TMEM221: variants seen among roughly 807,000 people sequenced by gnomAD.
TMEM221 encodes the protein transmembrane protein 221.
In TMEM221, 11 loss-of-function variants were observed where a neutral mutation model predicts 10.2. The observed-to-expected ratio is 1.08, with a 90% CI of 0.68 to 1.79. TMEM221 has a LOEUF of 1.79. Ranked by LOEUF, TMEM221 falls within the 40% of genes most tolerant of loss-of-function variation. TMEM221 has a pLI of 0.00. For synonymous variants in TMEM221, 172 were observed against 199.8 expected, an observed-to-expected ratio of 0.86 and a Z score of 1.18; for missense variants, 382 against 417.7, an observed-to-expected ratio of 0.91 and a Z score of 0.75.
chr19:17,439,644 C>T (rs1268092504), intron 2 of TMEM221, among the ~76,000 whole-genome samples: 2 of 151,314 alleles, frequency 1.3e-5, no homozygotes, highest in African/African-American at 2.4e-5. Flanking sequence ...GCCGAGATCG[C>T]GCCGCTACCC....
chr19:17,443,482 G>C (rs1237780439), intron 2 of TMEM221, among the ~76,000 whole-genome samples: 1 of 151,478 alleles, frequency 6.6e-6, no homozygotes, highest in African/African-American at 2.4e-5. Flanking sequence ...GCTGCCACCA[G>C]GCCCAGCTAA....
chr19:17,441,592 T>A (rs1016825849), intron 2 of TMEM221, among the ~76,000 whole-genome samples: 1 of 152,170 alleles, frequency 6.6e-6, no homozygotes, highest in Non-Finnish European at 1.5e-5. Context: ...TGGAGGAATA[T>A]TACATGGCCC....
chr19:17,438,599 T>TG (rs1041278739), intron 2 of TMEM221, among the ~76,000 whole-genome samples: 6 of 150,316 alleles, frequency 4.0e-5, no homozygotes, highest in African/African-American at 1.5e-4. Context: ...CTCTATCTTT[T>TG]TTTTTTTTTT....
chr19:17,437,982 G>A (rs995739619), intron 2 of TMEM221, among the ~76,000 whole-genome samples: 11 of 151,066 alleles, frequency 7.3e-5, no homozygotes, highest in African/African-American at 2.2e-4. Flanking sequence ...GCAGTGGCTC[G>A]GCTACAGCTC....
rs189364946 is a variant in TMEM221 at position 17,436,719 on chromosome 19, G to C, written c.615C>G (p.Ser205Arg). The part of the protein sequence containing the change: ...LARPAEVSKA[S>R]PRAQPQQGIH... ...TACCCTGCTGAGGCTGAGCTCTGGG[G>C]CTGGCCTTGGAGACTTCGGCAGGGC... The change falls in exon 3 of 3, where the codon AGC (serine) becomes AGG (arginine). Residue 205 changes from serine (S) to arginine (R), a missense_variant. Transcript: ENST00000341130. 4.6e-6 allele frequency: 7 copies of C among 1,531,990 alleles called. No individual in the cohort carries two copies. The African/African-American group carries it at 8.2e-5, about 18-fold the overall frequency. 94.9% of individuals were successfully genotyped at this position (1,531,990 alleles called of 1,614,324 possible).
chr19:17,444,021 A>G (rs1181892530), intron 2 of TMEM221, among the ~76,000 whole-genome samples: 11 of 138,418 alleles, frequency 7.9e-5, no homozygotes, highest in Admixed American at 3.6e-4. Flanking sequence ...CTGGAGATTG[A>G]TATTTGTAAC....
intron 2 of TMEM221, among the ~76,000 whole-genome samples, chr19:17,439,696 A>G (rs1354038095): frequency 1.4e-5 from 2 of 139,586 alleles, no homozygotes; most frequent in East Asian, 2.0e-4. Flanking sequence ...TCGAGAAAAA[A>G]GAAAAAAAAA....
At chr19:17,443,200 G>A (rs2074938670) in intron 2 of TMEM221, among the ~76,000 whole-genome samples, 1 of 152,126 alleles carries the variant, frequency 6.6e-6, no homozygotes, top group South Asian at 2.1e-4. Flanking sequence ...AGAGTGGCAT[G>A]AACCCAGGAG....
In TMEM221 at chr19:17,448,048, T is replaced by G. The variant is rs1568399683; in HGVS notation, c.320+95A>C. The stretch of plus-strand genomic sequence containing the variant: ...GAGAGGGAAGTGGGGAGGGAAGCTG[T>G]CCCCCCAGCCTGAGGCCAAAAGAGG... On this transcript the variant is annotated intron_variant, in intron 1 of 2. Transcript: ENST00000341130. This position sits in a 1 kb window ranked among gnomAD's most constrained non-coding sequence, Gnocchi z 4.7. 23 of 1,061,606 alleles carry G rather than the reference T, an allele frequency of 2.2e-5. No homozygotes were observed. The South Asian group carries it at 8.0e-4, about 37-fold the overall frequency. 65.8% of individuals were successfully genotyped at this position (1,061,606 alleles called of 1,614,324 possible). A position where few individuals can be genotyped will look rare whatever the true frequency, so the allele number is the denominator to read the frequency against.
At chr19:17,438,287 T>C (rs1169112231) in intron 2 of TMEM221, among the ~76,000 whole-genome samples, 2 of 151,936 alleles carry the variant, frequency 1.3e-5, no homozygotes, top group African/African-American at 2.4e-5. Flanking sequence ...AGGGTTTCAC[T>C]ATGTTGGCCA....
Position 17,445,184 on chromosome 19 carries a change from T to C in TMEM221, c.406+15A>G. 1 of 1,534,108 alleles carries C rather than the reference T, an allele frequency of 6.5e-7. No individual in the cohort carries two copies. Among genetic ancestry groups the C allele is most frequent in the East Asian group, 2.4e-5 (1 of 40,898 alleles). On this transcript the variant is annotated intron_variant, in intron 2 of 2. Coordinates refer to ENST00000341130, the MANE Select transcript of TMEM221 (RefSeq NM_001190844.2). ...GCCCAGGGTCCCATGCCCCACGTTCTATTCCAGCACACACCTGCTAAATAG... is the reference window on the plus strand; with the variant it reads ...GCCCAGGGTCCCATGCCCCACGTTCCATTCCAGCACACACCTGCTAAATAG...
At chr19:17,437,410 A>G (rs527948922) in intron 2 of TMEM221, among the ~76,000 whole-genome samples, 40 of 152,272 alleles carry the variant, frequency 2.6e-4, no homozygotes, top group African/African-American at 8.9e-4. Flanking sequence ...AACACCCAAG[A>G]GTGTCCGAGG....
intron 2 of TMEM221, among the ~76,000 whole-genome samples, chr19:17,439,859 C>T (rs1202218028): frequency 2.6e-5 from 4 of 151,990 alleles, no homozygotes; most frequent in Non-Finnish European, 5.9e-5. Context: ...TTGCCTAAGA[C>T]CGTGAATGTG....
intron 2 of TMEM221, 192 bp downstream of exon 2, chr19:17,445,007 A>T: frequency 2.0e-6 from 1 of 490,846 alleles, no homozygotes; most frequent in South Asian, 2.5e-5. Context: ...AGGTAATGAC[A>T]GTTATTCCCA....
chr19:17,439,989 C>T (rs1246458642), intron 2 of TMEM221, among the ~76,000 whole-genome samples: 5 of 151,948 alleles, frequency 3.3e-5, no homozygotes, highest in African/African-American at 9.7e-5. Context: ...AGGAGTTCGA[C>T]GCCAGCTCAG....
chr19:17,445,653 C>T (rs4808642), intron 1 of TMEM221, among the ~76,000 whole-genome samples: 136,992 of 151,742 alleles, frequency 0.9, 62,065 homozygotes, highest in Non-Finnish European at 0.95. Flanking sequence ...CACCCACTTA[C>T]CCATCCATCC....
In TMEM221 at chr19:17,448,142, C is replaced by A; in HGVS notation, c.320+1G>T. ...CGAGGCGGTGAGGCCAGTCCTCCTA[C>A]CTCCTGGGGCCAGGCCCCCGCGCCA... On this transcript the variant is annotated splice_donor_variant, in intron 1 of 2. Coordinates refer to ENST00000341130, the MANE Select transcript of TMEM221 (RefSeq NM_001190844.2). LOFTEE classifies it high-confidence loss of function. This position sits in a 1 kb window ranked among gnomAD's most constrained non-coding sequence, Gnocchi z 4.7. 1 of 1,391,026 alleles carries A rather than the reference C, an allele frequency of 7.2e-7. No individual in the cohort carries two copies. 86.2% of individuals were successfully genotyped at this position (1,391,026 alleles called of 1,614,324 possible). A position where few individuals can be genotyped will look rare whatever the true frequency, so the allele number is the denominator to read the frequency against.
rs79188353 is a variant in TMEM221 at position 17,441,274 on chromosome 19, C to T, written c.406+3925G>A. ...GAGCTAGCTAGCCCTCCATCAGCCT[C>T]TCCAGCATACAGTTGGCACCATTCT... is the stretch of plus-strand genomic sequence containing the variant. On this transcript the variant is annotated intron_variant, in intron 2 of 2. Coordinates refer to ENST00000341130, the MANE Select transcript of TMEM221 (RefSeq NM_001190844.2). Among the ~76,000 whole-genome samples the T allele has an allele frequency of 5.4e-3, 820 of 151,632 alleles. 6 individuals carry two copies. The highest frequency in any genetic ancestry group is 0.019 in the African/African-American group (779 of 41,350).
chr19:17,439,558 C>T (rs1188114368), intron 2 of TMEM221, among the ~76,000 whole-genome samples: 1 of 151,450 alleles, frequency 6.6e-6, no homozygotes, highest in African/African-American at 2.4e-5. Flanking sequence ...TGTGGTGGCA[C>T]GTGCCTGTAA....
Sources: allele counts gnomAD v4.1 joint callset (sites outside exome capture counted in the v4.1 genomes callset), GRCh38; gene constraint gnomAD v4.1.1; non-coding constraint Gnocchi (gnomAD v3.1); transcripts MANE v1.5; gene names NCBI Gene and HGNC (gene_info 2026-07-23, HGNC 2026-07-21).